The following PTPN12 variants were observed in gnomAD, a reference collection of about 807,000 sequenced individuals.
The protein encoded by PTPN12 is protein tyrosine phosphatase non-receptor type 12.
A neutral mutation model predicts 97.6 loss-of-function variants in PTPN12; 29 were observed. The observed-to-expected ratio is 0.30, with a 90% CI of 0.22 to 0.41. PTPN12 has a LOEUF of 0.41. Ranked by LOEUF, PTPN12 falls within the 10% of genes least tolerant of loss-of-function variation. PTPN12 has a pLI of 1.00. For synonymous variants in PTPN12, 327 were observed against 300.4 expected, an observed-to-expected ratio of 1.09 and a Z score of -0.91; for missense variants, 819 against 926.0, an observed-to-expected ratio of 0.88 and a Z score of 1.50.
chr7:77,546,192 C>G (rs1057366256), intron 1 of PTPN12, among the ~76,000 whole-genome samples: 1 of 152,064 alleles, frequency 6.6e-6, no homozygotes, highest in Non-Finnish European at 1.5e-5. Context: ...GATGAGAAAG[C>G]TAAAAATTTA....
chr7:77,540,340 C>T (rs527602184), intron 1 of PTPN12, among the ~76,000 whole-genome samples: 3 of 151,318 alleles, frequency 2.0e-5, no homozygotes, highest in Admixed American at 1.3e-4. Context: ...CAGGTTCAAG[C>T]GATTCTCCTG....
intron 12 of PTPN12, among the ~76,000 whole-genome samples, chr7:77,625,553 C>T (rs534230605): frequency 3.4e-5 from 2 of 58,284 alleles, no homozygotes; most frequent in South Asian, 1.2e-3. Flanking sequence ...CTCTCTCTCT[C>T]GCTCTCTCTC....
At chr7:77,578,517 A>G (rs1015319664) in intron 2 of PTPN12, among the ~76,000 whole-genome samples, 1 of 152,230 alleles carries the variant, frequency 6.6e-6, no homozygotes, top group African/African-American at 2.4e-5. Context: ...TGTCTTCTAC[A>G]AATTTCTAAA....
chr7:77,613,459 G>A (rs1329667199), intron 11 of PTPN12, among the ~76,000 whole-genome samples: 2 of 151,936 alleles, frequency 1.3e-5, no homozygotes. Flanking sequence ...ACAGGCATAA[G>A]CTACTGCACC....
chr7:77,606,418 A>G (rs765423809), intron 8 of PTPN12, among the ~76,000 whole-genome samples: 16 of 151,978 alleles, frequency 1.1e-4, no homozygotes, highest in Admixed American at 1.0e-3. Context: ...TCTTTTTGAG[A>G]TGAAGTCACA....
chr7:77,579,093 A>G (rs1223488065), intron 2 of PTPN12, among the ~76,000 whole-genome samples: 6 of 152,132 alleles, frequency 3.9e-5, no homozygotes, highest in Non-Finnish European at 5.9e-5. Context: ...ACTTTTTTAG[A>G]TTGAAGGAGA....
At chr7:77,587,187 C>G (rs1787717674) in intron 5 of PTPN12, among the ~76,000 whole-genome samples, 1 of 152,052 alleles carries the variant, frequency 6.6e-6, no homozygotes, top group South Asian at 2.1e-4. Flanking sequence ...TCAGAGTAAT[C>G]ATGATTTATG....
At chr7:77,553,551 C>T (rs1007655913) in intron 1 of PTPN12, among the ~76,000 whole-genome samples, 3 of 152,192 alleles carry the variant, frequency 2.0e-5, no homozygotes, top group Non-Finnish European at 2.9e-5. Flanking sequence ...GCCACCCTAT[C>T]CCTGATAACT....
intron 2 of PTPN12, among the ~76,000 whole-genome samples, chr7:77,573,763 TTTC>T (rs1447462305): frequency 1.3e-5 from 2 of 152,202 alleles, no homozygotes; most frequent in Admixed American, 6.5e-5. Flanking sequence ...GATGTTTCAT[TTTC>T]TTCTTTGTTT....
At chr7:77,564,760 T>TTTTG (rs1562715188) in intron 1 of PTPN12, among the ~76,000 whole-genome samples, 11 of 99,908 alleles carry the variant, frequency 1.1e-4, no homozygotes, top group African/African-American at 3.1e-4. Flanking sequence ...TTTTTTTTTT[T>TTTTG]TTTTTTTTTT....
chr7:77,602,216 CT>C (rs779683252), intron 8 of PTPN12, among the ~76,000 whole-genome samples: 38 of 151,832 alleles, frequency 2.5e-4, no homozygotes, highest in Non-Finnish European at 4.3e-4. Context: ...TATATTTTAG[CT>C]AAGAGAAATC....
chr7:77,593,520 T>G (rs960601046), intron 6 of PTPN12, among the ~76,000 whole-genome samples: 15 of 152,310 alleles, frequency 9.8e-5, no homozygotes, highest in African/African-American at 3.6e-4. Flanking sequence ...CCAGGAGAGC[T>G]GATGTTCAGT....
At chr7:77,581,630 G>A in intron 3 of PTPN12, 127 bp downstream of exon 3, 1 of 471,384 alleles carries the variant, frequency 2.1e-6, no homozygotes. Flanking sequence ...TAAAGCCACT[G>A]CCCTGGCACA....
chr7:77,564,755 T>TG (rs1808176525), intron 1 of PTPN12, among the ~76,000 whole-genome samples: 2 of 87,518 alleles, frequency 2.3e-5, no homozygotes, highest in Non-Finnish European at 4.4e-5. Context: ...TGTTTTTTTT[T>TG]TTTTTTTTTT....
At chr7:77,542,355 A>G (rs577212042) in intron 1 of PTPN12, among the ~76,000 whole-genome samples, 2 of 152,234 alleles carry the variant, frequency 1.3e-5, no homozygotes, top group African/African-American at 2.4e-5. Flanking sequence ...ACTTACTTAG[A>G]TAGGTTCTGG....
At chr7:77,625,518 T>TCTCTCACTCTCA (rs1331230990) in intron 12 of PTPN12, among the ~76,000 whole-genome samples, 1 of 82,010 alleles carries the variant, frequency 1.2e-5, no homozygotes, top group African/African-American at 4.8e-5. Context: ...TCTCTCTCTC[T>TCTCTCACTCTCA]CTCTCACTCT....
At chr7:77,588,466 A>G (rs1262220415) in intron 5 of PTPN12, among the ~76,000 whole-genome samples, 1 of 152,244 alleles carries the variant, frequency 6.6e-6, no homozygotes, top group Non-Finnish European at 1.5e-5. Context: ...AAAACAGAGT[A>G]GTAACTTCAA....
chr7:77,618,714 T>C, intron 12 of PTPN12, 149 bp downstream of exon 12: 1 of 571,078 alleles, frequency 1.8e-6, no homozygotes, highest in East Asian at 3.0e-5. Flanking sequence ...ACAACTGATT[T>C]GTTACTGGTT....
At chr7:77,592,489 C>T in intron 6 of PTPN12, 1 of 388,424 alleles carries the variant, frequency 2.6e-6, no homozygotes, top group Admixed American at 4.4e-5. Flanking sequence ...GTGTGTTAGT[C>T]TTTGTATATC....
Sources: gnomAD v4.1 joint callset for allele counts (sites outside exome capture counted in the v4.1 genomes callset) on GRCh38, gnomAD v4.1.1 for gene constraint, MANE v1.5 for transcripts, NCBI Gene and HGNC (gene_info 2026-07-23, HGNC 2026-07-21) for gene names.